The following APBB1IP variants were observed in gnomAD, a reference collection of about 807,000 sequenced individuals.
APBB1IP encodes the protein amyloid beta precursor protein binding family B member 1 interacting protein.
In APBB1IP, 27 loss-of-function variants were observed where a neutral mutation model predicts 64.9. The ratio of observed to expected loss-of-function variants is 0.42; its 90% CI spans 0.31 to 0.57. The LOEUF (loss-of-function observed/expected upper bound fraction) is 0.57, where lower values mean the gene tolerates loss of function less well. Ranked by LOEUF, APBB1IP falls within the 20% of genes least tolerant of loss-of-function variation. The pLI, the probability that APBB1IP is intolerant of heterozygous loss-of-function variation, is 0.20. For missense variants in APBB1IP, 812 were observed against 845.5 expected (o/e 0.96, Z 0.49); for synonymous variants, 392 against 331.0 (o/e 1.18, Z -2.00).
At chr10:26,446,472 A>C (rs181935750) in intron 2 of APBB1IP, among the ~76,000 whole-genome samples, 1 of 152,190 alleles carries the variant, frequency 6.6e-6, no homozygotes, top group African/African-American at 2.4e-5. Flanking sequence ...AGTGCTATGC[A>C]GTGTGGTGAA....
intron 11 of APBB1IP, among the ~76,000 whole-genome samples, chr10:26,552,368 C>T (rs887260815): frequency 1.3e-5 from 2 of 152,064 alleles, no homozygotes; most frequent in African/African-American, 4.8e-5. Flanking sequence ...GAGGTCAAGG[C>T]AGGAGGATCA....
intron 2 of APBB1IP, among the ~76,000 whole-genome samples, chr10:26,480,850 C>CA (rs1321237731): frequency 6.6e-6 from 1 of 151,940 alleles, no homozygotes; most frequent in Non-Finnish European, 1.5e-5. Flanking sequence ...AAAATAAAGA[C>CA]AAGTAGGGGA....
intron 2 of APBB1IP, among the ~76,000 whole-genome samples, chr10:26,460,978 T>A (rs1036498432): frequency 6.6e-6 from 1 of 151,550 alleles, no homozygotes; most frequent in Non-Finnish European, 1.5e-5. Context: ...CTAGGTCTCA[T>A]GTCAATGTGT....
intron 9 of APBB1IP, 123 bp from the exon 10 acceptor site, chr10:26,535,951 G>C (rs540931131): frequency 6.1e-6 from 6 of 982,252 alleles, no homozygotes; most frequent in Middle Eastern, 4.7e-4. Context: ...ATATGCATTC[G>C]ATCAGAGTTG....
chr10:26,470,300 G>A (rs1442633814), intron 2 of APBB1IP, among the ~76,000 whole-genome samples: 1 of 152,336 alleles, frequency 6.6e-6, no homozygotes, highest in Non-Finnish European at 1.5e-5. Context: ...ACTTTGGGAG[G>A]CCAAGGCAGG....
At chr10:26,536,741 G>C (rs1232457704) in intron 10 of APBB1IP, among the ~76,000 whole-genome samples, 4 of 128,436 alleles carry the variant, frequency 3.1e-5, no homozygotes, top group Non-Finnish European at 6.3e-5. Context: ...AAGTAGCTGG[G>C]ACTACAGGTG....
intron 2 of APBB1IP, among the ~76,000 whole-genome samples, chr10:26,457,721 G>C (rs3006834): frequency 0.69 from 104,367 of 152,066 alleles, 36,337 homozygotes; most frequent in East Asian, 0.94. Context: ...CTATGCAATG[G>C]GAAGTATAAT....
At chr10:26,517,317 G>A (rs1836344768) in intron 8 of APBB1IP, among the ~76,000 whole-genome samples, 1 of 152,238 alleles carries the variant, frequency 6.6e-6, no homozygotes, top group South Asian at 2.1e-4. Flanking sequence ...GGGAGTTGCA[G>A]CGGCCTTCCT....
chr10:26,446,873 G>GAT (rs200871129), intron 2 of APBB1IP, among the ~76,000 whole-genome samples: 39,590 of 148,242 alleles, frequency 0.27, 5,855 homozygotes, highest in African/African-American at 0.4. Flanking sequence ...TAGATAGATA[G>GAT]AGAGAGAGAT....
chr10:26,560,319 C>A (rs1836950892), intron 12 of APBB1IP, 116 bp downstream of exon 12: 1 of 940,370 alleles, frequency 1.1e-6, no homozygotes, highest in African/African-American at 1.6e-5. Context: ...CAGCCACAGA[C>A]ATTATCAGGT....
intron 11 of APBB1IP, among the ~76,000 whole-genome samples, chr10:26,549,835 C>A (rs1836808940): frequency 6.6e-6 from 1 of 151,964 alleles, no homozygotes; most frequent in Non-Finnish European, 1.5e-5. Context: ...AAATTAATCT[C>A]TATTTCATTT....
At chr10:26,467,237 G>T (rs1332917982) in intron 2 of APBB1IP, among the ~76,000 whole-genome samples, 1 of 151,994 alleles carries the variant, frequency 6.6e-6, no homozygotes, top group Non-Finnish European at 1.5e-5. Flanking sequence ...GAGAATAGAA[G>T]TATGAGGGAT....
chr10:26,473,401 G>T (rs562465156), intron 2 of APBB1IP, among the ~76,000 whole-genome samples: 1 of 152,318 alleles, frequency 6.6e-6, no homozygotes, highest in East Asian at 1.9e-4. Flanking sequence ...TAATTGGCTG[G>T]CCTGTCCTGT....
intron 9 of APBB1IP, among the ~76,000 whole-genome samples, 168 bp downstream of exon 9, chr10:26,533,693 G>A (rs1408849414): frequency 1.3e-5 from 2 of 152,102 alleles, no homozygotes; most frequent in East Asian, 3.8e-4. Context: ...TAATTCAACT[G>A]TTTTTCTTTT....
intron 11 of APBB1IP, among the ~76,000 whole-genome samples, chr10:26,559,394 A>G (rs1015680193): frequency 1.4e-5 from 2 of 146,514 alleles, no homozygotes; most frequent in African/African-American, 5.2e-5. Context: ...TGAGACTCCA[A>G]TTCTACCAAA....
chr10:26,542,038 C>T (rs1836703659), intron 11 of APBB1IP, among the ~76,000 whole-genome samples: 1 of 152,126 alleles, frequency 6.6e-6, no homozygotes, highest in Non-Finnish European at 1.5e-5. Flanking sequence ...AAATTAGAAA[C>T]TTGCAAGATT....
At position 26,500,851 on chromosome 10, in the gene APBB1IP, G is replaced by A. The variant is rs766645340; in HGVS notation, c.193G>A (p.Asp65Asn). The change falls in exon 5 of 15, where the codon GAT (aspartate) becomes AAT (asparagine). Residue 65 changes from aspartate to asparagine, a missense_variant. Asp to Asn is a conservative substitution (Grantham distance 23, BLOSUM62 1). Transcript: ENST00000376236. ...SLNALEDQDLDALMADLVADI... is the reference protein window; with the variant it reads ...SLNALEDQDLNALMADLVADI... The stretch of plus-strand genomic sequence containing the variant: ...AAATGCACTGGAAGACCAAGATTTA[G>A]ATGCTCTCATGGCAGATCTGGTAGC... The A allele has an allele frequency of 6.2e-7, 1 of 1,614,070 alleles. No individual in the cohort carries two copies.
chr10:26,463,535 T>C (rs1255696510), intron 2 of APBB1IP, among the ~76,000 whole-genome samples: 1 of 152,198 alleles, frequency 6.6e-6, no homozygotes, highest in Non-Finnish European at 1.5e-5. Context: ...GCTGGTTGGA[T>C]GGGAATCTGC....
chr10:26,558,284 C>T (rs950541766), intron 11 of APBB1IP, among the ~76,000 whole-genome samples: 2 of 152,098 alleles, frequency 1.3e-5, no homozygotes, highest in Non-Finnish European at 2.9e-5. Context: ...GTTTGGTTGC[C>T]GGCCCCTCGC....
Sources: allele counts gnomAD v4.1 joint callset (sites outside exome capture counted in the v4.1 genomes callset), GRCh38; gene constraint gnomAD v4.1.1; transcripts MANE v1.5; gene names NCBI Gene and HGNC (gene_info 2026-07-23, HGNC 2026-07-21).